The following CHRM3 variants were observed in gnomAD, a reference collection of about 807,000 sequenced individuals.
The protein encoded by CHRM3 is cholinergic receptor muscarinic 3.
Under a neutral mutation model 41.8 loss-of-function variants are expected in CHRM3, and 11 were observed. The ratio of observed to expected loss-of-function variants is 0.26; its 90% CI spans 0.17 to 0.44. The LOEUF (loss-of-function observed/expected upper bound fraction) is 0.44. CHRM3 is among the 20% of genes least tolerant of loss of function. The probability of loss-of-function intolerance (pLI) is 1.00; values close to 1 mark genes in which losing one functional copy is unlikely to be tolerated. For synonymous variants in CHRM3, 297 were observed against 301.4 expected, an observed-to-expected ratio of 0.99 and a Z score of 0.15; for missense variants, 571 against 745.4, an observed-to-expected ratio of 0.77 and a Z score of 2.72.
intron 1 of CHRM3, among the ~76,000 whole-genome samples, chr1:239,437,029 A>T (rs916007447): frequency 6.6e-6 from 1 of 152,118 alleles, no homozygotes; most frequent in Admixed American, 6.6e-5. Context: ...AGGAACTCTT[A>T]AAAAAAATGA....
chr1:239,510,782 TG>T (rs1443924890), intron 2 of CHRM3, among the ~76,000 whole-genome samples: 3 of 152,036 alleles, frequency 2.0e-5, no homozygotes, highest in Non-Finnish European at 4.4e-5. Flanking sequence ...CTGATCCGCC[TG>T]CCTCAGCCTC....
At position 239,914,387 on chromosome 1, in the gene CHRM3, T is replaced by G. The variant is rs1680535495; in HGVS notation, c.*5163T>G. On this transcript the variant is annotated 3_prime_UTR_variant, in exon 7 of 7. Coordinates refer to ENST00000676153, the MANE Select transcript of CHRM3 (RefSeq NM_001375978.1). ...AAATATTATCAACATTCTGTGCACA[T>G]CAATGTCCCATGCTGCTACTGTAGT... is the stretch of plus-strand genomic sequence containing the variant. 6.0e-6 allele frequency: 1 copy of G among 167,080 alleles called. No individual in the cohort carries two copies. The highest frequency in any genetic ancestry group is 1.5e-5 in the Non-Finnish European group (1 of 68,118). 10.3% of individuals were successfully genotyped at this position (167,080 alleles called of 1,614,324 possible).
chr1:239,600,818 TTCC>T (rs971668558), intron 3 of CHRM3, among the ~76,000 whole-genome samples: 1 of 150,556 alleles, frequency 6.6e-6, no homozygotes, highest in Non-Finnish European at 1.5e-5. Flanking sequence ...CCTTCCTTCC[TTCC>T]TCTTTACTTT....
intron 1 of CHRM3, among the ~76,000 whole-genome samples, chr1:239,474,839 AAGAGT>A (rs1440070071): frequency 1.3e-5 from 2 of 152,140 alleles, no homozygotes; most frequent in Non-Finnish European, 2.9e-5. Context: ...ATTTTTACTG[AAGAGT>A]AAATATTCAC....
In CHRM3 at chr1:239,598,564, A is replaced by G. The variant is rs16838538; in HGVS notation, c.-312-33660A>G. On this transcript the variant is annotated intron_variant, in intron 3 of 6. Transcript: ENST00000676153. ...GAGGTTGCTTGATTAAAAGTTCCCA[A>G]CTAAGAATAAGACACAAATATGGTT... Among the ~76,000 whole-genome samples the G allele has an allele frequency of 8.1e-3, 1,236 of 152,212 alleles. 15 individuals are homozygous for G. The highest frequency in any genetic ancestry group is 0.029 in the African/African-American group (1,194 of 41,540).
intron 3 of CHRM3, among the ~76,000 whole-genome samples, chr1:239,580,689 T>TTATATATATATATATATA (rs1165930612): frequency 0.065 from 4,133 of 63,952 alleles, 220 homozygotes; most frequent in Non-Finnish European, 0.11. Flanking sequence ...TTGCCCAATT[T>TTATATATATATATATATA]TATATATATA....
At chr1:239,424,404 G>A (rs1443374238) in intron 1 of CHRM3, among the ~76,000 whole-genome samples, 1 of 152,092 alleles carries the variant, frequency 6.6e-6, no homozygotes, top group African/African-American at 2.4e-5. Context: ...TGGTGGGGGT[G>A]GGAGGGTGTG....
In CHRM3 at chr1:239,510,468, TG is replaced by T. The variant is rs71667547; in HGVS notation, c.-422+17665del. 7.8e-3 allele frequency among the ~76,000 whole-genome samples: 1,189 copies of T among 152,098 alleles called. 14 individuals carry two copies. The highest frequency in any genetic ancestry group is 0.027 in the African/African-American group (1,131 of 41,492). Reference sequence around the variant, plus strand: ...AGAGGCTAATGGCACAACTAGCAGATGGGGAGAACCTCTATCTTTAGTGGCA... The same window carrying T: ...AGAGGCTAATGGCACAACTAGCAGATGGGAGAACCTCTATCTTTAGTGGCA... On this transcript the variant is annotated intron_variant, in intron 2 of 6. Coordinates refer to ENST00000676153, the MANE Select transcript of CHRM3 (RefSeq NM_001375978.1).
intron 1 of CHRM3, among the ~76,000 whole-genome samples, chr1:239,439,421 G>A (rs1663530377): frequency 6.6e-6 from 1 of 152,146 alleles, no homozygotes; most frequent in South Asian, 2.1e-4. Flanking sequence ...GATATTTCCT[G>A]CGGACAGTAA....
rs560199633 is a variant in CHRM3 at position 239,567,856 on chromosome 1, A to G, written c.-313+22107A>G. On this transcript the variant is annotated intron_variant, in intron 3 of 6. Transcript: ENST00000676153. ...AACATAGAGACTGCTCTGTTTGGGC[A>G]TGGTTGGAGCTTGTTTGGTGGCTTT... Among the ~76,000 whole-genome samples the G allele has an allele frequency of 2.2e-4, 33 of 152,218 alleles. No individual in the cohort carries two copies. In the East Asian group the frequency reaches 5.4e-3, roughly 25 times the overall value.
chr1:239,538,632 A>T (rs1006788628), intron 2 of CHRM3, among the ~76,000 whole-genome samples: 6 of 152,330 alleles, frequency 3.9e-5, no homozygotes, highest in South Asian at 2.1e-4. Flanking sequence ...AAACTTCATT[A>T]AAAAAGTCAT....
intron 5 of CHRM3, among the ~76,000 whole-genome samples, chr1:239,775,297 C>T (rs1668004609): frequency 6.6e-6 from 1 of 152,064 alleles, no homozygotes; most frequent in African/African-American, 2.4e-5. Flanking sequence ...TTGGGAAACT[C>T]AAAGTTCTTT....
intron 5 of CHRM3, among the ~76,000 whole-genome samples, chr1:239,718,016 G>A (rs1231361815): frequency 1.3e-5 from 2 of 152,022 alleles, no homozygotes; most frequent in South Asian, 2.1e-4. Context: ...TAAGGAAAGA[G>A]TAGCAACTAC....
At chr1:239,772,572 C>T (rs896830628) in intron 5 of CHRM3, among the ~76,000 whole-genome samples, 1 of 152,202 alleles carries the variant, frequency 6.6e-6, no homozygotes. Context: ...TAAAGGCCTT[C>T]TATTGTTCTA....
intron 1 of CHRM3, among the ~76,000 whole-genome samples, chr1:239,468,857 T>C (rs940052409): frequency 2.2e-4 from 34 of 152,282 alleles, no homozygotes; most frequent in African/African-American, 7.9e-4. Flanking sequence ...GGGAAAGATA[T>C]GTCTAGAAGT....
chr1:239,914,546 G>A lies in CHRM3; in HGVS notation c.*5322G>A, dbSNP rs960096730. 2.4e-5 allele frequency: 4 copies of A among 166,942 alleles called. No individual in the cohort carries two copies. The highest frequency in any genetic ancestry group is 9.7e-5 in the African/African-American group (4 of 41,424). 10.3% of individuals were successfully genotyped at this position (166,942 alleles called of 1,614,324 possible). A position where few individuals can be genotyped will look rare whatever the true frequency, so the allele number is the denominator to read the frequency against. On this transcript the variant is annotated 3_prime_UTR_variant, in exon 7 of 7. Coordinates refer to ENST00000676153, the MANE Select transcript of CHRM3 (RefSeq NM_001375978.1). ...AACAAATAATTTAGAGTCCAAAGAG[G>A]AAAAAGAAAATTAACTCTGTTTTTT...
At chr1:239,781,178 C>A (rs1408067135) in intron 5 of CHRM3, among the ~76,000 whole-genome samples, 1 of 152,062 alleles carries the variant, frequency 6.6e-6, no homozygotes, top group Non-Finnish European at 1.5e-5. Flanking sequence ...TGTATTGAAT[C>A]TAGAAATCAA....
chr1:239,752,616 G>A (rs1665921540), intron 5 of CHRM3, among the ~76,000 whole-genome samples: 1 of 152,064 alleles, frequency 6.6e-6, no homozygotes, highest in Admixed American at 6.6e-5. Context: ...AAAAATAGAG[G>A]ATAAGTACCA....
chr1:239,497,082 T>C (rs1439294885), intron 2 of CHRM3, among the ~76,000 whole-genome samples: 1 of 152,122 alleles, frequency 6.6e-6, no homozygotes, highest in African/African-American at 2.4e-5. Flanking sequence ...AGACATGTTA[T>C]TTTAAGGAAT....
Sources: allele counts gnomAD v4.1 joint callset (sites outside exome capture counted in the v4.1 genomes callset), GRCh38; gene constraint gnomAD v4.1.1; transcripts MANE v1.5; gene names NCBI Gene and HGNC (gene_info 2026-07-23, HGNC 2026-07-21).